AGBL1: variants seen among roughly 807,000 people sequenced by gnomAD.
AGBL1 encodes the protein AGBL carboxypeptidase 1, also known as cytosolic carboxypeptidase 4.
A neutral mutation model predicts 118.9 loss-of-function variants in AGBL1; 130 were observed. That is an observed-to-expected ratio of 1.09 (90% CI 0.95 to 1.26). The LOEUF is 1.26. Ranked by LOEUF, AGBL1 falls within the 50% of genes most tolerant of loss-of-function variation. The pLI is 0.00. For missense variants in AGBL1, 1,584 were observed against 1,298.1 expected, an observed-to-expected ratio of 1.22 and a Z score of -3.38; for synonymous variants, 555 against 478.9, an observed-to-expected ratio of 1.16 and a Z score of -2.08.
At chr15:86,545,034 T>C (rs2083560737) in intron 19 of AGBL1, among the ~76,000 whole-genome samples, 2 of 152,202 alleles carry the variant, frequency 1.3e-5, no homozygotes, top group African/African-American at 4.8e-5. Flanking sequence ...TAAAATTGGT[T>C]ATGTGACTTT....
At chr15:86,803,772 G>T (rs2078681969) in intron 22 of AGBL1, among the ~76,000 whole-genome samples, 1 of 152,158 alleles carries the variant, frequency 6.6e-6, no homozygotes, top group African/African-American at 2.4e-5. Context: ...ACTGTGGTGT[G>T]TAAGAGACAT....
chr15:86,837,239 AT>A (rs1180942870), intron 22 of AGBL1, among the ~76,000 whole-genome samples: 27 of 151,840 alleles, frequency 1.8e-4, no homozygotes, highest in African/African-American at 5.5e-4. Flanking sequence ...AAAAAAAAAA[AT>A]GCCATTTAGT....
rs755233641 is a variant in AGBL1, at chr15:86,869,327, C to T, written c.3159-37760C>T. ...TGAATGCACAATGGCACAGCTGCTC[C>T]CACCCACCACAGAGAATCCAGCTGC... On this transcript the variant is annotated intron_variant, in intron 22 of 22. Transcript: ENST00000614907. Among the ~76,000 whole-genome samples the T allele has an allele frequency of 5.9e-5, 9 of 152,236 alleles. No individual in the cohort carries two copies. The East Asian group carries it at 1.4e-3, about 23-fold the overall frequency.
chr15:86,337,820 G>A (rs547389251), intron 17 of AGBL1, among the ~76,000 whole-genome samples: 1 of 152,272 alleles, frequency 6.6e-6, no homozygotes, highest in South Asian at 2.1e-4. Context: ...GTTTACCTGT[G>A]TAACAAACCT....
At chr15:86,845,206 G>C (rs2079301718) in intron 22 of AGBL1, among the ~76,000 whole-genome samples, 1 of 152,030 alleles carries the variant, frequency 6.6e-6, no homozygotes, top group Non-Finnish European at 1.5e-5. Flanking sequence ...TTGAGATTAT[G>C]ATATATATCA....
chr15:86,196,249 G>A (rs570265168), intron 5 of AGBL1, among the ~76,000 whole-genome samples: 3 of 152,278 alleles, frequency 2.0e-5, no homozygotes, highest in African/African-American at 4.8e-5. Context: ...TAGGATGGAC[G>A]TCAGGGTTGG....
rs146864701 is a variant in AGBL1 at position 86,315,445 on chromosome 15, A to G, written c.2374+20037A>G. On this transcript the variant is annotated intron_variant, in intron 17 of 22. Transcript: ENST00000614907. The stretch of plus-strand genomic sequence containing the variant: ...TTAAAAAATTCGTGGGGCCGGGCGC[A>G]GTGGCTCACACTGGTAATCCCAGCA... 4.1e-3 allele frequency among the ~76,000 whole-genome samples: 631 copies of G among 152,270 alleles called. 7 individuals carry two copies. The highest frequency in any genetic ancestry group is 0.014 in the African/African-American group (589 of 41,554).
intron 21 of AGBL1, among the ~76,000 whole-genome samples, chr15:86,581,402 C>A (rs368287234): frequency 1.5e-4 from 23 of 152,210 alleles, no homozygotes; most frequent in African/African-American, 5.1e-4. Context: ...GGCAACATTT[C>A]TTATAAGTTT....
intron 17 of AGBL1, among the ~76,000 whole-genome samples, chr15:86,344,607 TG>T: frequency 6.6e-6 from 1 of 151,876 alleles, no homozygotes; most frequent in Middle Eastern, 3.4e-3. Flanking sequence ...GTCTTCTGCT[TG>T]TTAGCTGTAT....
At chr15:86,450,999 TG>T (rs2082185979) in intron 18 of AGBL1, among the ~76,000 whole-genome samples, 1 of 152,220 alleles carries the variant, frequency 6.6e-6, no homozygotes, top group African/African-American at 2.4e-5. Flanking sequence ...TTCTAGGATA[TG>T]TTTTAACGGA....
chr15:86,968,324 C>A (rs989457953), intron 23 of AGBL1, among the ~76,000 whole-genome samples: 1 of 151,820 alleles, frequency 6.6e-6, no homozygotes, highest in Non-Finnish European at 1.5e-5. Flanking sequence ...TAGTCTCTAT[C>A]TCATAGAGCT....
At chr15:86,748,722 A>G (rs1276834819) in intron 22 of AGBL1, among the ~76,000 whole-genome samples, 2 of 151,678 alleles carry the variant, frequency 1.3e-5, no homozygotes, top group Non-Finnish European at 2.9e-5. Flanking sequence ...TCAGCTTTCT[A>G]CATATGGCTA....
At chr15:86,738,812 T>A (rs368726836) in intron 22 of AGBL1, among the ~76,000 whole-genome samples, 10 of 152,092 alleles carry the variant, frequency 6.6e-5, no homozygotes, top group East Asian at 5.8e-4. Flanking sequence ...TGGGGGAAGA[T>A]AATTTGACCA....
chr15:86,748,344 A>C (rs1224658244), intron 22 of AGBL1, among the ~76,000 whole-genome samples: 1 of 151,370 alleles, frequency 6.6e-6, no homozygotes, highest in Admixed American at 6.6e-5. Context: ...TTTTCTTGTA[A>C]ATTTGTTTCA....
intron 21 of AGBL1, among the ~76,000 whole-genome samples, chr15:86,561,589 A>T (rs1005014745): frequency 2.0e-5 from 3 of 152,170 alleles, no homozygotes; most frequent in African/African-American, 7.2e-5. Context: ...AGGTAGTGTG[A>T]TGCCTCCAGC....
At chr15:86,765,253 A>T (rs907550435) in intron 22 of AGBL1, among the ~76,000 whole-genome samples, 1 of 151,994 alleles carries the variant, frequency 6.6e-6, no homozygotes, top group Non-Finnish European at 1.5e-5. Context: ...CTTGCAAAAA[A>T]TATGCTTTTT....
chr15:86,575,761 T>C (rs1239573016), intron 21 of AGBL1, among the ~76,000 whole-genome samples: 3 of 151,844 alleles, frequency 2.0e-5, no homozygotes, highest in African/African-American at 7.3e-5. Flanking sequence ...GGCTTATTTA[T>C]TGAAAAAAAA....
At position 86,127,503 on chromosome 15, in the gene AGBL1, C is replaced by A. The variant is rs536143377; in HGVS notation, c.52-14501C>A. ...GAGTATGGACACAATGGAAGGTGAT[C>A]CCAGGTAGCAAGGGAAAGATGGCAT... On this transcript the variant is annotated intron_variant, in intron 1 of 22. Coordinates refer to ENST00000614907, the MANE Select transcript of AGBL1 (RefSeq NM_001386094.1). Among the ~76,000 whole-genome samples the A allele has an allele frequency of 4.7e-4, 72 of 152,112 alleles. 1 individual carries two copies. The highest frequency in any genetic ancestry group is 6.2e-4 in the Non-Finnish European group (42 of 68,034).
intron 17 of AGBL1, among the ~76,000 whole-genome samples, chr15:86,323,855 G>C (rs921230893): frequency 1.3e-5 from 2 of 152,136 alleles, no homozygotes; most frequent in African/African-American, 4.8e-5. Context: ...TACCACTACT[G>C]ACCTCTCTTC....
Sources: gnomAD v4.1 joint callset for allele counts (sites outside exome capture counted in the v4.1 genomes callset) on GRCh38, gnomAD v4.1.1 for gene constraint, MANE v1.5 for transcripts, NCBI Gene and HGNC (gene_info 2026-07-23, HGNC 2026-07-21) for gene names.